The following PCED1B variants were observed in gnomAD, a reference collection of about 807,000 sequenced individuals.
PCED1B encodes the protein PC-esterase domain-containing protein 1B.
For missense variants in PCED1B, 573 were observed against 573.9 expected (o/e 1.00, Z 0.02); for synonymous variants, 251 against 246.1 (o/e 1.02, Z -0.19).
chr12:47,209,371 G>C (rs984688045), intron 2 of PCED1B: 1 of 152,310 alleles, frequency 6.6e-6, no homozygotes, highest in East Asian at 1.9e-4. Flanking sequence ...CTGTAATCCC[G>C]GCTACTCGGG....
chr12:47,095,411 G>A (rs894607504), intron 1 of PCED1B, among the ~76,000 whole-genome samples: 2 of 152,038 alleles, frequency 1.3e-5, no homozygotes, highest in Non-Finnish European at 2.9e-5. Context: ...TGACTATGAT[G>A]TGGTTAGCTA....
At chr12:47,086,115 C>T (rs889735236) in intron 1 of PCED1B, among the ~76,000 whole-genome samples, 1 of 152,102 alleles carries the variant, frequency 6.6e-6, no homozygotes, top group Non-Finnish European at 1.5e-5. Flanking sequence ...ACATAATAGA[C>T]ATTTAAATAT....
chr12:47,154,129 G>A (rs946003535), intron 2 of PCED1B, among the ~76,000 whole-genome samples: 43 of 152,210 alleles, frequency 2.8e-4, no homozygotes, highest in African/African-American at 1.0e-3. Context: ...TTTGACCCAG[G>A]AAACGCGTAT....
intron 1 of PCED1B, among the ~76,000 whole-genome samples, chr12:47,090,176 C>T (rs923892061): frequency 3.3e-5 from 5 of 152,052 alleles, no homozygotes; most frequent in African/African-American, 7.2e-5. Context: ...TTTATCAGCC[C>T]AATAACGGAG....
intron 2 of PCED1B, among the ~76,000 whole-genome samples, chr12:47,134,413 C>T (rs758941778): frequency 3.3e-5 from 5 of 152,028 alleles, no homozygotes; most frequent in Non-Finnish European, 5.9e-5. Context: ...GAAGATATCC[C>T]TTATTAATAT....
At chr12:47,149,595 T>C (rs1940915670) in intron 2 of PCED1B, among the ~76,000 whole-genome samples, 1 of 152,216 alleles carries the variant, frequency 6.6e-6, no homozygotes. Flanking sequence ...AGTGAAGAGT[T>C]AGGAGGAGTA....
chr12:47,170,097 T>C (rs181981217), intron 2 of PCED1B, among the ~76,000 whole-genome samples: 2 of 152,136 alleles, frequency 1.3e-5, no homozygotes, highest in East Asian at 3.9e-4. Flanking sequence ...TGGTGATGAC[T>C]CTTAAGGAGC....
chr12:47,160,293 CTTTTTTTTTTT>C (rs59856338), intron 2 of PCED1B, among the ~76,000 whole-genome samples: 2 of 69,242 alleles, frequency 2.9e-5, no homozygotes, highest in South Asian at 1.3e-3. Context: ...TTTTCTTTTT[CTTTTTTTTTTT>C]TTTTTTTTTT....
rs1943942989 is a variant in PCED1B at position 47,235,366 on chromosome 12, C to T, written c.303C>T (p.Tyr101=). Residue 101 remains tyrosine (Y), a synonymous_variant, in exon 4 of 4, where the codon TAC becomes TAT. Transcript: ENST00000546455. ...FYFLTRVYSD[Y]LQTILKELQS... is the part of the protein sequence containing the mutation. ...TCCTCACCCGCGTGTACTCCGATTA[C>T]CTCCAGACCATCTTGAAAGAGCTGC... The T allele has an allele frequency of 6.2e-7, 1 of 1,614,188 alleles. No individual in the cohort carries two copies. The highest frequency in any genetic ancestry group is 8.5e-7 in the Non-Finnish European group (1 of 1,180,048).
intron 2 of PCED1B, among the ~76,000 whole-genome samples, chr12:47,128,913 T>C (rs1940005793): frequency 6.6e-6 from 1 of 152,176 alleles, no homozygotes; most frequent in South Asian, 2.1e-4. Flanking sequence ...ATAAGGACAC[T>C]TGGGAAAGTG....
At chr12:47,110,532 A>G (rs990212259) in intron 2 of PCED1B, among the ~76,000 whole-genome samples, 1 of 152,240 alleles carries the variant, frequency 6.6e-6, no homozygotes, top group African/African-American at 2.4e-5. Flanking sequence ...TTTTACTGCA[A>G]AAGTGACTTA....
intron 2 of PCED1B, among the ~76,000 whole-genome samples, chr12:47,152,438 T>C (rs546385874): frequency 1.3e-5 from 2 of 152,268 alleles, no homozygotes; most frequent in African/African-American, 2.4e-5. Flanking sequence ...CAAACCCAAA[T>C]TGAAAGACTC....
At chr12:47,130,725 G>A (rs544132359) in intron 2 of PCED1B, among the ~76,000 whole-genome samples, 28 of 151,958 alleles carry the variant, frequency 1.8e-4, no homozygotes, top group Non-Finnish European at 2.4e-4. Flanking sequence ...GTCTTTATCA[G>A]AACAATTAAC....
intron 2 of PCED1B, among the ~76,000 whole-genome samples, chr12:47,190,673 C>G (rs1942414095): frequency 1.3e-5 from 2 of 152,354 alleles, no homozygotes; most frequent in Middle Eastern, 3.4e-3. Flanking sequence ...GCATGGCACT[C>G]TGTGCTCTCT....
At position 47,098,058 on chromosome 12, in the gene PCED1B, T is replaced by C. The variant is rs546236752; in HGVS notation, c.-608-6055T>C. ...GGAGGCATTTGCTTTTGGGTAGTAG[T>C]TGACATGCTTTGGGGCATTTATGCT... On this transcript the variant is annotated intron_variant, in intron 1 of 3. Coordinates refer to ENST00000546455, the MANE Select transcript of PCED1B (RefSeq NM_138371.3). Among the ~76,000 whole-genome samples the C allele has an allele frequency of 7.9e-5, 12 of 152,342 alleles. No homozygotes were observed. The East Asian group carries it at 1.9e-3, about 24-fold the overall frequency.
intron 2 of PCED1B, among the ~76,000 whole-genome samples, chr12:47,119,123 C>T (rs1304402232): frequency 2.0e-5 from 3 of 152,054 alleles, no homozygotes; most frequent in Admixed American, 6.6e-5. Flanking sequence ...GATGCAAAAA[C>T]GTTCAATGAG....
chr12:47,101,386 C>A (rs537157910), intron 1 of PCED1B, among the ~76,000 whole-genome samples: 6 of 152,076 alleles, frequency 3.9e-5, no homozygotes, highest in Non-Finnish European at 7.4e-5. Flanking sequence ...CTTGTTCGTT[C>A]GTTTCTTTTT....
chr12:47,175,228 A>G (rs990555169), intron 2 of PCED1B, among the ~76,000 whole-genome samples: 3 of 152,202 alleles, frequency 2.0e-5, no homozygotes, highest in African/African-American at 7.2e-5. Flanking sequence ...ATTATAATCT[A>G]GAGATGTACA....
At chr12:47,172,340 C>CTT (rs34230051) in intron 2 of PCED1B, among the ~76,000 whole-genome samples, 14,569 of 78,034 alleles carry the variant, frequency 0.19, 1,390 homozygotes, top group Non-Finnish European at 0.24. Context: ...TCGTGGGTTG[C>CTT]TTTTTTTTTT....
Sources: allele counts gnomAD v4.1 joint callset (sites outside exome capture counted in the v4.1 genomes callset), GRCh38; gene constraint gnomAD v4.1.1; transcripts MANE v1.5; gene names NCBI Gene and HGNC (gene_info 2026-07-23, HGNC 2026-07-21).